LRRC4C: variants seen among roughly 807,000 people sequenced by gnomAD.
The protein encoded by LRRC4C is leucine-rich repeat-containing protein 4C.
LRRC4C carries 5 observed loss-of-function variants against 33.6 expected under a neutral mutation model. That is an observed-to-expected ratio of 0.15 (90% CI 0.08 to 0.31). The LOEUF (loss-of-function observed/expected upper bound fraction) is 0.31, where lower values mean the gene tolerates loss of function less well. LRRC4C is among the 10% of genes least tolerant of loss of function. The pLI, the probability that LRRC4C is intolerant of heterozygous loss-of-function variation, is 1.00. For synonymous variants in LRRC4C, 329 were observed against 302.0 expected (o/e 1.09, Z -0.93); for missense variants, 560 against 796.7 (o/e 0.70, Z 3.58).
chr11:40,341,341 G>T (rs1946855754), intron 3 of LRRC4C, among the ~76,000 whole-genome samples: 1 of 152,090 alleles, frequency 6.6e-6, no homozygotes, highest in Non-Finnish European at 1.5e-5. Flanking sequence ...CATTTGGCTT[G>T]GTTCCAAGTC....
intron 2 of LRRC4C, among the ~76,000 whole-genome samples, chr11:40,743,218 A>ATG (rs1565002497): frequency 6.6e-6 from 1 of 151,500 alleles, no homozygotes; most frequent in Non-Finnish European, 1.5e-5. Flanking sequence ...GAAAGCATGC[A>ATG]TTTAATGAAT....
At chr11:40,849,862 C>T (rs542640596) in intron 2 of LRRC4C, among the ~76,000 whole-genome samples, 1 of 151,756 alleles carries the variant, frequency 6.6e-6, no homozygotes, top group East Asian at 2.0e-4. Context: ...TTTCTTCACA[C>T]TTTATTTCAA....
intron 1 of LRRC4C, among the ~76,000 whole-genome samples, chr11:41,266,992 C>T (rs1949171650): frequency 6.6e-6 from 1 of 152,084 alleles, no homozygotes; most frequent in African/African-American, 2.4e-5. Flanking sequence ...CAAAACTGTC[C>T]AGTAAACAAC....
chr11:40,763,469 C>T (rs1256664320), intron 2 of LRRC4C, among the ~76,000 whole-genome samples: 1 of 152,114 alleles, frequency 6.6e-6, no homozygotes, highest in Non-Finnish European at 1.5e-5. Flanking sequence ...CAAATATCCA[C>T]ATAAAAAAGC....
intron 1 of LRRC4C, among the ~76,000 whole-genome samples, chr11:41,033,589 G>A (rs748247140): frequency 3.0e-4 from 46 of 152,088 alleles, no homozygotes; most frequent in Non-Finnish European, 4.4e-4. Context: ...GACAAACTGG[G>A]CATTTGTCCA....
intron 3 of LRRC4C, among the ~76,000 whole-genome samples, chr11:40,321,092 A>G (rs1945823083): frequency 1.3e-5 from 2 of 152,208 alleles, no homozygotes; most frequent in Admixed American, 6.5e-5. Context: ...TCCTTCAGCT[A>G]TCCTGATGTT....
intron 1 of LRRC4C, among the ~76,000 whole-genome samples, chr11:41,329,870 G>A (rs1474585122): frequency 6.6e-6 from 1 of 152,200 alleles, no homozygotes; most frequent in East Asian, 1.9e-4. Flanking sequence ...TGCCAATGGT[G>A]CAGGACTCTA....
chr11:41,332,608 C>A (rs1366409398), intron 1 of LRRC4C, among the ~76,000 whole-genome samples: 1 of 152,160 alleles, frequency 6.6e-6, no homozygotes, highest in East Asian at 1.9e-4. Context: ...AACACACACA[C>A]AAAAAGACTG....
intron 2 of LRRC4C, among the ~76,000 whole-genome samples, chr11:40,916,361 G>A (rs1329543721): frequency 2.6e-5 from 4 of 152,268 alleles, no homozygotes; most frequent in East Asian, 1.9e-4. Flanking sequence ...GGAATACTAT[G>A]CAGCCATGAA....
intron 3 of LRRC4C, among the ~76,000 whole-genome samples, chr11:40,375,477 T>G (rs991541263): frequency 2.0e-5 from 3 of 152,058 alleles, no homozygotes; most frequent in Non-Finnish European, 2.9e-5. Flanking sequence ...TAACTTAGTT[T>G]TTAAGTTGAG....
intron 5 of LRRC4C, among the ~76,000 whole-genome samples, chr11:40,187,082 G>A (rs374857936): frequency 1.3e-5 from 2 of 152,202 alleles, no homozygotes; most frequent in Admixed American, 6.5e-5. Context: ...GGCTCAAATC[G>A]GATCATCTCT....
At chr11:40,318,513 G>T (rs1945685893) in intron 4 of LRRC4C, among the ~76,000 whole-genome samples, 1 of 152,114 alleles carries the variant, frequency 6.6e-6, no homozygotes, top group Non-Finnish European at 1.5e-5. Context: ...TTGGTTCACA[G>T]TCTTGCACCA....
chr11:41,010,288 C>T (rs1855079172), intron 1 of LRRC4C, among the ~76,000 whole-genome samples: 1 of 152,072 alleles, frequency 6.6e-6, no homozygotes, highest in Non-Finnish European at 1.5e-5. Context: ...ACCTTTGCTG[C>T]CTTTCTAGGC....
chr11:40,840,047 A>G (rs1952845944), intron 2 of LRRC4C, among the ~76,000 whole-genome samples: 1 of 152,200 alleles, frequency 6.6e-6, no homozygotes. Flanking sequence ...GATCTTACAC[A>G]GAAACTAACT....
intron 2 of LRRC4C, among the ~76,000 whole-genome samples, chr11:40,932,468 A>G (rs1254422766): frequency 6.6e-6 from 1 of 152,094 alleles, no homozygotes; most frequent in Admixed American, 6.6e-5. Context: ...CTTGGATTTT[A>G]GTTGGTTATA....
At chr11:40,391,844 G>A (rs1302074410) in intron 3 of LRRC4C, among the ~76,000 whole-genome samples, 2 of 152,244 alleles carry the variant, frequency 1.3e-5, no homozygotes, top group Non-Finnish European at 1.5e-5. Context: ...ACCTGTCTGC[G>A]AATGTTCCTA....
intron 4 of LRRC4C, among the ~76,000 whole-genome samples, chr11:40,304,800 C>T (rs376347046): frequency 5.3e-5 from 8 of 151,290 alleles, no homozygotes; most frequent in South Asian, 4.2e-4. Flanking sequence ...GGCGCAATCT[C>T]GGCTCACTGC....
chr11:41,434,107 T>C (rs930341775), intron 1 of LRRC4C, among the ~76,000 whole-genome samples: 1 of 152,080 alleles, frequency 6.6e-6, no homozygotes, highest in Non-Finnish European at 1.5e-5. Flanking sequence ...TCATGGTCCA[T>C]AGATATTCAG....
At chr11:41,412,273 T>C (rs1187320083) in intron 1 of LRRC4C, among the ~76,000 whole-genome samples, 5 of 152,220 alleles carry the variant, frequency 3.3e-5, no homozygotes, top group Non-Finnish European at 7.3e-5. Context: ...CCTAAATGTA[T>C]GTAACAATCA....
Sources: gnomAD v4.1 joint callset for allele counts (sites outside exome capture counted in the v4.1 genomes callset) on GRCh38, gnomAD v4.1.1 for gene constraint, MANE v1.5 for transcripts, NCBI Gene and HGNC (gene_info 2026-07-23, HGNC 2026-07-21) for gene names.